HIPK3: variants seen among roughly 807,000 people sequenced by gnomAD.
The protein encoded by HIPK3 is homeodomain-interacting protein kinase 3.
HIPK3 carries 47 observed loss-of-function variants against 124.2 expected under a neutral mutation model. The observed-to-expected ratio is 0.38, with a 90% CI of 0.30 to 0.48. The LOEUF (loss-of-function observed/expected upper bound fraction) is 0.48. Among genes scored for constraint, HIPK3 ranks in the 20% least tolerant of loss-of-function variants. The pLI is 0.98. For synonymous variants in HIPK3, 482 were observed against 515.2 expected (o/e 0.94, Z 0.87); for missense variants, 1,286 against 1,454.3 (o/e 0.88, Z 1.88).
At chr11:33,260,622 G>T (rs950098012) in intron 1 of HIPK3, among the ~76,000 whole-genome samples, 1 of 152,170 alleles carries the variant, frequency 6.6e-6, no homozygotes, top group Non-Finnish European at 1.5e-5. Context: ...AATTAGAATT[G>T]CACTATTGGT....
chr11:33,346,852 C>T (rs1853508265), intron 8 of HIPK3, among the ~76,000 whole-genome samples: 1 of 152,136 alleles, frequency 6.6e-6, no homozygotes, highest in African/African-American at 2.4e-5. Flanking sequence ...CTAGATTGCT[C>T]TGTTAGTGTT....
At chr11:33,258,236 G>C (rs909344913) in intron 1 of HIPK3, 53 of 573,220 alleles carry the variant, frequency 9.2e-5, no homozygotes, top group Non-Finnish European at 1.1e-4. Context: ...GTTGCGCAAC[G>C]GCTCTTCCCA....
In HIPK3 at chr11:33,347,886, G is replaced by A. The variant is rs189153633; in HGVS notation, c.2179G>A (p.Val727Met). 1.3e-5 allele frequency: 21 copies of A among 1,614,186 alleles called. No individual in the cohort carries two copies. The Admixed American group carries it at 3.5e-4, about 27-fold the overall frequency. The change falls in exon 11 of 17, where the codon GTG becomes ATG. Residue 727 changes from valine to methionine, a missense_variant. Physicochemically the swap from Val to Met is conservative, Grantham distance 21. Coordinates refer to ENST00000303296, the MANE Select transcript of HIPK3 (RefSeq NM_005734.5). ...MISCSNHYNS[V>M]MPQPLLTNQI... Reference sequence around the variant, plus strand: ...TTCATGCAGCAATCATTATAACTCAGTGATGCCGCAGCCTCTTCTGACCAA... The same window carrying A: ...TTCATGCAGCAATCATTATAACTCAATGATGCCGCAGCCTCTTCTGACCAA...
chr11:33,280,507 C>T (rs1156746897), intron 1 of HIPK3, among the ~76,000 whole-genome samples: 1 of 152,144 alleles, frequency 6.6e-6, no homozygotes, highest in Non-Finnish European at 1.5e-5. Context: ...TACCTGTCTC[C>T]AGCACCACCA....
At chr11:33,285,125 T>TA (rs1332461110) in intron 1 of HIPK3, among the ~76,000 whole-genome samples, 1 of 152,236 alleles carries the variant, frequency 6.6e-6, no homozygotes, top group Non-Finnish European at 1.5e-5. Flanking sequence ...ATAATGTTTA[T>TA]AAAATCATTA....
At chr11:33,257,232 C>T (rs879266689), upstream of HIPK3, 1,622 of 983,924 alleles carry the variant, frequency 1.6e-3, 1 homozygote, top group Non-Finnish European at 1.9e-3. Flanking sequence ...CGGGCGGACC[C>T]CGGGGAGGGG....
At chr11:33,298,525 A>G (rs942125664) in intron 2 of HIPK3, among the ~76,000 whole-genome samples, 3 of 152,234 alleles carry the variant, frequency 2.0e-5, no homozygotes, top group African/African-American at 7.2e-5. Flanking sequence ...CATAGCTGCT[A>G]TAGATAGTAA....
intron 1 of HIPK3, among the ~76,000 whole-genome samples, chr11:33,273,134 T>C (rs1451517988): frequency 2.0e-5 from 3 of 151,876 alleles, no homozygotes; most frequent in African/African-American, 7.3e-5. Flanking sequence ...CCTGAAGCCA[T>C]TGTAAAGGGC....
chr11:33,258,199 G>A (rs1850720783), intron 1 of HIPK3: 1 of 636,594 alleles, frequency 1.6e-6, no homozygotes, highest in South Asian at 7.0e-5. Flanking sequence ...GGGCCCGGGG[G>A]CCTCGGCCCC....
intron 2 of HIPK3, among the ~76,000 whole-genome samples, chr11:33,326,878 A>T (rs1333834853): frequency 6.6e-6 from 1 of 152,050 alleles, no homozygotes; most frequent in South Asian, 2.1e-4. Flanking sequence ...ATGAGGTCTC[A>T]TTATGTTGCC....
chr11:33,293,735 AAG>A (rs1851763472), intron 2 of HIPK3, among the ~76,000 whole-genome samples: 1 of 152,230 alleles, frequency 6.6e-6, no homozygotes, highest in South Asian at 2.1e-4. Flanking sequence ...AATATGGTCC[AAG>A]ATTAAATATC....
At chr11:33,262,423 C>A (rs1197305434) in intron 1 of HIPK3, among the ~76,000 whole-genome samples, 4 of 152,188 alleles carry the variant, frequency 2.6e-5, no homozygotes, top group African/African-American at 9.7e-5. Context: ...CCAGGCTGTT[C>A]TCAGTTGATA....
intron 1 of HIPK3, among the ~76,000 whole-genome samples, chr11:33,266,145 G>C (rs1481850764): frequency 6.6e-6 from 1 of 150,946 alleles, no homozygotes; most frequent in Admixed American, 6.7e-5. Flanking sequence ...TGCAGTGAAC[G>C]AAGAGACTAA....
chr11:33,301,452 T>A (rs375579332), intron 2 of HIPK3, among the ~76,000 whole-genome samples: 2 of 152,242 alleles, frequency 1.3e-5, no homozygotes, highest in East Asian at 3.9e-4. Context: ...CCTTGTTGAT[T>A]GATTGATTTC....
Position 33,351,791 on chromosome 11 carries a change from A to G in HIPK3, c.2991A>G (p.Pro997=). The change falls in exon 15 of 17, where the codon CCA becomes CCG. Residue 997 remains proline (P), a synonymous_variant. Coordinates refer to ENST00000303296, the MANE Select transcript of HIPK3 (RefSeq NM_005734.5). ...TKPAVCSVVV[P]PVELENGLNA... ...CAGCTGTCTGTTCTGTTGTGGTGCC[A>G]CCAGTGGAACTAGAAAATGGCTTAA... is the stretch of plus-strand genomic sequence containing the variant. 1.9e-6 allele frequency: 3 copies of G among 1,614,186 alleles called. No homozygotes were observed. The highest frequency in any genetic ancestry group is 2.2e-5 in the South Asian group (2 of 91,082).
chr11:33,283,505 A>G (rs1590355189), intron 1 of HIPK3, among the ~76,000 whole-genome samples: 2 of 152,158 alleles, frequency 1.3e-5, no homozygotes, highest in Admixed American at 6.6e-5. Context: ...ATTAAGGTCA[A>G]GTCAACTTAG....
chr11:33,301,855 C>CACACACACACACACACACAA (rs66571916), intron 2 of HIPK3, among the ~76,000 whole-genome samples: 2 of 151,386 alleles, frequency 1.3e-5, no homozygotes, highest in South Asian at 2.1e-4. Context: ...CACACACACA[C>CACACACACACACACACACAA]GAGTACAGTA....
chr11:33,344,747 C>T (rs962613090), intron 8 of HIPK3, among the ~76,000 whole-genome samples: 15 of 152,198 alleles, frequency 9.9e-5, no homozygotes, highest in African/African-American at 3.6e-4. Context: ...GTTGCAGCAA[C>T]AGGCCAGGCA....
chr11:33,311,975 T>TACACACACACACACAC (rs71034672), intron 2 of HIPK3, among the ~76,000 whole-genome samples: 1,675 of 136,964 alleles, frequency 0.012, 19 homozygotes, highest in African/African-American at 0.013. Context: ...ACCCTGTTTC[T>TACACACACACACACAC]ACACACACAC....
Sources: gnomAD v4.1 joint callset for allele counts (sites outside exome capture counted in the v4.1 genomes callset) on GRCh38, gnomAD v4.1.1 for gene constraint, MANE v1.5 for transcripts, NCBI Gene and HGNC (gene_info 2026-07-23, HGNC 2026-07-21) for gene names.